The following RALGAPB variants were observed in gnomAD, a reference collection of about 807,000 sequenced individuals.
The protein encoded by RALGAPB is Ral GTPase activating protein non-catalytic subunit beta.
RALGAPB carries 25 observed loss-of-function variants against 161.1 expected under a neutral mutation model. That is an observed-to-expected ratio of 0.16 (90% CI 0.11 to 0.22). RALGAPB has a LOEUF of 0.22. Ranked by LOEUF, RALGAPB falls within the 10% of genes least tolerant of loss-of-function variation. RALGAPB has a pLI of 1.00. For missense variants in RALGAPB, 1,391 were observed against 1,815.2 expected (o/e 0.77, Z 4.25); for synonymous variants, 629 against 626.1 (o/e 1.00, Z -0.07).
intron 10 of RALGAPB, 122 bp downstream of exon 10, chr20:38,521,820 C>G: frequency 2.1e-6 from 2 of 971,004 alleles, no homozygotes; most frequent in South Asian, 3.4e-5. Context: ...TGTAAGTGAT[C>G]GACATTTGCC....
Position 38,516,197 on chromosome 20 carries a change from C to A in RALGAPB, c.878C>A (p.Pro293His). 1 of 1,588,502 alleles carries A rather than the reference C, an allele frequency of 6.3e-7. No homozygotes were observed. Among genetic ancestry groups the A allele is most frequent in the Non-Finnish European group, 8.6e-7 (1 of 1,164,410 alleles). ...TCTTTCCTCTCTTTTAATAGTAATC[C>A]TGTGGATTTGAGTAACCCAGCTATT... is the stretch of plus-strand genomic sequence containing the variant. ...WFRFLHMLSN[P>H]VDLSNPAIIS... Residue 293 changes from proline (P) to histidine (H), a missense_variant, in exon 7 of 30, where the codon CCT (proline) becomes CAT (histidine). Pro to His is a moderately conservative substitution (Grantham distance 77, BLOSUM62 -2). Transcript: ENST00000262879.
At position 38,524,871 on chromosome 20, in the gene RALGAPB, C is replaced by T; in HGVS notation, c.1713C>T (p.Phe571=). ...ASVILNSPPL[F]CCDLKGIDVV... ...TTATTCTAAACTCTCCTCCTTTGTT[C>T]TGCTGTGACTTGAAAGGGATTGATG... is the stretch of plus-strand genomic sequence containing the variant. Residue 571 remains phenylalanine, a synonymous_variant, in exon 11 of 30, where the codon TTC becomes TTT. Transcript: ENST00000262879. The T allele has an allele frequency of 1.2e-6, 2 of 1,609,090 alleles. No homozygotes were observed. The highest frequency in any genetic ancestry group is 1.7e-6 in the Non-Finnish European group (2 of 1,175,374).
intron 14 of RALGAPB, 118 bp from the exon 15 acceptor site, chr20:38,532,612 A>T (rs1358605900): frequency 5.8e-6 from 7 of 1,210,232 alleles, no homozygotes; most frequent in Non-Finnish European, 8.3e-6. Flanking sequence ...TGTTACTATC[A>T]GTTTGTACTA....
At position 38,575,792 on chromosome 20, in the gene RALGAPB, G is replaced by A. The variant is rs539660784; in HGVS notation, c.*825G>A. 6.6e-6 allele frequency: 1 copy of A among 152,482 alleles called. No individual in the cohort carries two copies. The highest frequency in any genetic ancestry group is 2.1e-4 in the South Asian group (1 of 4,826). The allele number at this position is 152,482 out of a possible 1,614,324, so 9.4% of individuals were successfully genotyped here. ...ACAGGTTAAATATTTGTGATTCATT[G>A]ATTAAATATTATTTAAAGAAATGTA... On this transcript the variant is annotated 3_prime_UTR_variant, in exon 30 of 30. Coordinates refer to ENST00000262879, the MANE Select transcript of RALGAPB (RefSeq NM_020336.4).
chr20:38,484,539 T>C (rs2085062935), intron 1 of RALGAPB, among the ~76,000 whole-genome samples: 1 of 152,160 alleles, frequency 6.6e-6, no homozygotes, highest in Non-Finnish European at 1.5e-5. Flanking sequence ...ATTGTGTTTT[T>C]TTGTTTTTGT....
At chr20:38,494,691 A>G (rs2085371092) in intron 3 of RALGAPB, among the ~76,000 whole-genome samples, 1 of 152,216 alleles carries the variant, frequency 6.6e-6, no homozygotes, top group South Asian at 2.1e-4. Context: ...AATATTGTTT[A>G]TAAGCAGGTT....
At chr20:38,487,038 T>C (rs555152165) in intron 1 of RALGAPB, among the ~76,000 whole-genome samples, 219 of 152,320 alleles carry the variant, frequency 1.4e-3, no homozygotes, top group African/African-American at 5.0e-3. Context: ...GGCACTCAGC[T>C]GAGAGGAGTT....
chr20:38,507,973 A>G (rs2085814259), intron 5 of RALGAPB, among the ~76,000 whole-genome samples: 2 of 152,032 alleles, frequency 1.3e-5, no homozygotes, highest in African/African-American at 4.8e-5. Flanking sequence ...CATTTAGAAT[A>G]TTAAGTAATT....
At position 38,497,678 on chromosome 20, in the gene RALGAPB, C is replaced by T. The variant is rs181397327; in HGVS notation, c.553+162C>T. 3.0e-4 allele frequency among the ~76,000 whole-genome samples: 45 copies of T among 152,274 alleles called. 1 individual carries two copies. In the East Asian group the frequency reaches 7.9e-3, roughly 27 times the overall value. On this transcript the variant is annotated intron_variant, in intron 4 of 29. Coordinates refer to ENST00000262879, the MANE Select transcript of RALGAPB (RefSeq NM_020336.4). The stretch of plus-strand genomic sequence containing the variant: ...ATGGAAACTCTCAGGCACAATATAA[C>T]TTTAGCCCTGATGAAGTTATTTTAC...
intron 19 of RALGAPB, chr20:38,547,886 CAAAAT>C (rs1190027741): frequency 6.6e-6 from 1 of 152,190 alleles, no homozygotes; most frequent in African/African-American, 2.4e-5. Flanking sequence ...GAGGAGTCTG[CAAAAT>C]CCCAGTGTCC....
At chr20:38,550,323 A>T (rs184600139) in intron 20 of RALGAPB, among the ~76,000 whole-genome samples, 88 of 152,354 alleles carry the variant, frequency 5.8e-4, no homozygotes, top group Middle Eastern at 6.8e-3. Flanking sequence ...AAAAAAATTT[A>T]AAATGTGACT....
chr20:38,487,921 T>C (rs805535), intron 1 of RALGAPB, among the ~76,000 whole-genome samples: 129,398 of 151,832 alleles, frequency 0.85, 55,139 homozygotes, highest in East Asian at 0.91. Flanking sequence ...ACAAAATTAG[T>C]CGGGCATGGT....
chr20:38,528,425 G>A (rs897962409), intron 13 of RALGAPB, among the ~76,000 whole-genome samples: 3 of 151,178 alleles, frequency 2.0e-5, no homozygotes, highest in East Asian at 1.9e-4. Flanking sequence ...AGGCTGGAGC[G>A]CAGTGGTGCA....
At chr20:38,501,903 G>A (rs1164618440) in intron 5 of RALGAPB, among the ~76,000 whole-genome samples, 4 of 151,998 alleles carry the variant, frequency 2.6e-5, no homozygotes, top group Non-Finnish European at 5.9e-5. Flanking sequence ...TAGGTATGTC[G>A]TAGGCATAAA....
intron 13 of RALGAPB, among the ~76,000 whole-genome samples, chr20:38,527,524 G>A (rs551035486): frequency 6.6e-6 from 1 of 152,264 alleles, no homozygotes; most frequent in East Asian, 1.9e-4. Context: ...TACATTCTCA[G>A]TTATGATGTA....
intron 7 of RALGAPB, 28 bp from the exon 8 acceptor site, chr20:38,517,478 T>C (rs771921478): frequency 1.3e-6 from 2 of 1,534,230 alleles, no homozygotes; most frequent in South Asian, 2.6e-5. Flanking sequence ...TGAAGAATAA[T>C]TTCATTTGTC....
Position 38,558,371 on chromosome 20 carries a change from G to A in RALGAPB, c.3449G>A (p.Gly1150Glu). ...ATACCTGGATTTTTTGATGACATTG[G>A]GTATCTGGATCTCTTGCCATGTCGT... ...STIPGFFDDI[G>E]YLDLLPCRPF... The change falls in exon 23 of 30, where the codon GGG (glycine) becomes GAG (glutamate). Residue 1150 changes from glycine (G) to glutamate (E), a missense_variant. Physicochemically the swap from Gly to Glu is moderately conservative, Grantham distance 98. This residue lies in a region of RALGAPB where 436 missense variants were observed against 527.0 expected (regional missense o/e 0.83). Transcript: ENST00000262879. 6.2e-7 allele frequency: 1 copy of A among 1,607,968 alleles called. No individual in the cohort carries two copies. Among genetic ancestry groups the A allele is most frequent in the South Asian group, 1.1e-5 (1 of 90,292 alleles).
chr20:38,502,935 T>A (rs574639144), intron 5 of RALGAPB, among the ~76,000 whole-genome samples: 1 of 152,150 alleles, frequency 6.6e-6, no homozygotes, highest in Admixed American at 6.6e-5. Flanking sequence ...AAAGAGGGGG[T>A]CTTGCTGTGT....
At chr20:38,565,753 A>C (rs2087974886) in intron 25 of RALGAPB, among the ~76,000 whole-genome samples, 1 of 152,228 alleles carries the variant, frequency 6.6e-6, no homozygotes, top group Admixed American at 6.5e-5. Context: ...TAATCAATAC[A>C]TAGGCTTATT....
Sources: allele counts gnomAD v4.1 joint callset (sites outside exome capture counted in the v4.1 genomes callset), GRCh38; gene constraint gnomAD v4.1.1; regional missense constraint gnomAD v4.1.1; transcripts MANE v1.5; gene names NCBI Gene and HGNC (gene_info 2026-07-23, HGNC 2026-07-21).